Variants in ANGPT1 observed in about 807,000 individuals in gnomAD.
ANGPT1 encodes the protein angiopoietin 1.
ANGPT1 carries 17 observed loss-of-function variants against 62.2 expected under a neutral mutation model. That is an observed-to-expected ratio of 0.27 (90% confidence interval 0.19 to 0.41). The LOEUF (loss-of-function observed/expected upper bound fraction) is 0.41. Among genes scored for constraint, ANGPT1 ranks in the 10% least tolerant of loss-of-function variants. The pLI, the probability that ANGPT1 is intolerant of heterozygous loss-of-function variation, is 1.00. For missense variants in ANGPT1, 478 were observed against 594.9 expected (o/e 0.80, Z 2.04); for synonymous variants, 199 against 198.9 (o/e 1.00, Z 0.00).
intron 3 of ANGPT1, among the ~76,000 whole-genome samples, chr8:107,326,337 C>G (rs928216641): frequency 1.7e-4 from 26 of 152,110 alleles, no homozygotes; most frequent in Non-Finnish European, 2.8e-4. Context: ...ATTTTCTCAT[C>G]ACATTTCTTC....
At chr8:107,387,241 C>A (rs1244920046) in intron 1 of ANGPT1, among the ~76,000 whole-genome samples, 1 of 152,064 alleles carries the variant, frequency 6.6e-6, no homozygotes, top group African/African-American at 2.4e-5. Context: ...GTATGAGCAA[C>A]GTTGATGAAA....
intron 1 of ANGPT1, among the ~76,000 whole-genome samples, chr8:107,476,096 A>T (rs972270499): frequency 6.6e-6 from 1 of 152,204 alleles, no homozygotes; most frequent in African/African-American, 2.4e-5. Flanking sequence ...TATATACTCA[A>T]AGGATTATAA....
intron 1 of ANGPT1, among the ~76,000 whole-genome samples, chr8:107,355,716 A>G (rs1274639315): frequency 6.6e-6 from 1 of 152,120 alleles, no homozygotes; most frequent in Non-Finnish European, 1.5e-5. Flanking sequence ...ACTCAGTTCA[A>G]GCTTTTCCTC....
intron 1 of ANGPT1, among the ~76,000 whole-genome samples, chr8:107,468,485 G>C (rs187036859): frequency 2.6e-5 from 4 of 151,858 alleles, no homozygotes; most frequent in Non-Finnish European, 4.4e-5. Context: ...TCTGTGATTG[G>C]TTACATTTCA....
chr8:107,259,443 C>T (rs1322857012), intron 8 of ANGPT1, among the ~76,000 whole-genome samples: 1 of 152,020 alleles, frequency 6.6e-6, no homozygotes, highest in East Asian at 1.9e-4. Context: ...TGGCTTTATC[C>T]CCTATTTAAG....
At chr8:107,374,202 G>A (rs1317554402) in intron 1 of ANGPT1, among the ~76,000 whole-genome samples, 1 of 152,116 alleles carries the variant, frequency 6.6e-6, no homozygotes, top group Non-Finnish European at 1.5e-5. Context: ...TTAAAAGTAT[G>A]ATCAAATATA....
chr8:107,360,882 C>A (rs1816147760), intron 1 of ANGPT1, among the ~76,000 whole-genome samples: 1 of 152,172 alleles, frequency 6.6e-6, no homozygotes, highest in Admixed American at 6.6e-5. Flanking sequence ...CATTTGAGGA[C>A]TTTGTAAGCC....
intron 4 of ANGPT1, among the ~76,000 whole-genome samples, chr8:107,305,516 A>C (rs552654832): frequency 6.6e-6 from 1 of 151,982 alleles, no homozygotes; most frequent in African/African-American, 2.4e-5. Context: ...CATTTTTAGT[A>C]ACCGAGAAAA....
At chr8:107,471,855 A>G (rs982490768) in intron 1 of ANGPT1, among the ~76,000 whole-genome samples, 2 of 152,064 alleles carry the variant, frequency 1.3e-5, no homozygotes, top group African/African-American at 4.8e-5. Context: ...TCAAATTCAG[A>G]GCAGCAAACA....
intron 1 of ANGPT1, among the ~76,000 whole-genome samples, chr8:107,370,985 G>A (rs1429187770): frequency 6.9e-6 from 1 of 144,736 alleles, no homozygotes; most frequent in Non-Finnish European, 1.5e-5. Context: ...AAAAAAAAAA[G>A]CAATATCTGT....
rs187883359 is a variant in ANGPT1 at position 107,460,788 on chromosome 8, G to C, written c.297+36474C>G. ...ATCTCTCATTTAGATATGATTTTCA[G>C]TTAAATCCTAACAGACATAATGCTT... On this transcript the variant is annotated intron_variant, in intron 1 of 8. Coordinates refer to ENST00000517746, the MANE Select transcript of ANGPT1 (RefSeq NM_001146.5). Among the ~76,000 whole-genome samples, 442 of 152,252 alleles carry C rather than the reference G, an allele frequency of 2.9e-3. 9 individuals are homozygous for C. The highest frequency in any genetic ancestry group is 0.024 in the Admixed American group (362 of 15,280).
intron 1 of ANGPT1, among the ~76,000 whole-genome samples, chr8:107,422,020 TTCAG>T (rs1385044279): frequency 6.6e-6 from 1 of 152,124 alleles, no homozygotes; most frequent in East Asian, 1.9e-4. Flanking sequence ...AACACATTCT[TTCAG>T]TCATTCTATA....
chr8:107,466,355 A>T (rs2130487495), intron 1 of ANGPT1, among the ~76,000 whole-genome samples: 1 of 152,152 alleles, frequency 6.6e-6, no homozygotes, highest in South Asian at 2.1e-4. Flanking sequence ...GGAGTCTGTG[A>T]TCCAGCTCCA....
At chr8:107,272,872 CCTT>C (rs1813770397) in intron 7 of ANGPT1, among the ~76,000 whole-genome samples, 1 of 129,144 alleles carries the variant, frequency 7.7e-6, no homozygotes, top group African/African-American at 3.1e-5. Context: ...GTATTCCTTC[CCTT>C]TTTTAAGAAT....
At chr8:107,304,508 T>C (rs1421662799) in intron 4 of ANGPT1, among the ~76,000 whole-genome samples, 1 of 151,742 alleles carries the variant, frequency 6.6e-6, no homozygotes, top group Non-Finnish European at 1.5e-5. Context: ...AAAGGCAAAC[T>C]ATGAATCAGA....
At chr8:107,379,206 T>G (rs939373015) in intron 1 of ANGPT1, among the ~76,000 whole-genome samples, 1 of 152,096 alleles carries the variant, frequency 6.6e-6, no homozygotes, top group Non-Finnish European at 1.5e-5. Context: ...TTGGTTTTGT[T>G]ACTGTCTTTA....
chr8:107,450,902 A>G (rs1434283016), intron 1 of ANGPT1, among the ~76,000 whole-genome samples: 4 of 151,844 alleles, frequency 2.6e-5, no homozygotes, highest in African/African-American at 9.7e-5. Flanking sequence ...CACCCCATGC[A>G]GTTAATATTA....
intron 1 of ANGPT1, among the ~76,000 whole-genome samples, chr8:107,481,824 G>A (rs1812696241): frequency 6.6e-6 from 1 of 152,140 alleles, no homozygotes; most frequent in Admixed American, 6.5e-5. Context: ...ACTATCGTGA[G>A]AACTCACCCA....
intron 5 of ANGPT1, among the ~76,000 whole-genome samples, chr8:107,296,281 T>C (rs764613826): frequency 6.6e-6 from 1 of 152,028 alleles, no homozygotes; most frequent in Admixed American, 6.6e-5. Flanking sequence ...TTTCTTTCAA[T>C]TGACTGCTGT....
Sources: gnomAD v4.1 joint callset for allele counts (sites outside exome capture counted in the v4.1 genomes callset) on GRCh38, gnomAD v4.1.1 for gene constraint, MANE v1.5 for transcripts, NCBI Gene and HGNC (gene_info 2026-07-23, HGNC 2026-07-21) for gene names.